PCDHA12: variants seen among roughly 807,000 people sequenced by gnomAD.
The protein encoded by PCDHA12 is protocadherin alpha 12, also known as protocadherin alpha-12.
PCDHA12 carries 44 observed loss-of-function variants against 60.0 expected under a neutral mutation model. The observed-to-expected ratio is 0.73, with a 90% CI of 0.58 to 0.94. The LOEUF is 0.94. Ranked by LOEUF, PCDHA12 falls within the 40% of genes least tolerant of loss-of-function variation. PCDHA12 has a pLI of 0.00. For synonymous variants in PCDHA12, 569 were observed against 553.0 expected (o/e 1.03, Z -0.40); for missense variants, 1,276 against 1,239.7 (o/e 1.03, Z -0.44).
chr5:140,892,219 A>T (rs1248122428), intron 1 of PCDHA12, among the ~76,000 whole-genome samples: 2 of 152,118 alleles, frequency 1.3e-5, no homozygotes, highest in Non-Finnish European at 2.9e-5. Flanking sequence ...TTGTATCTTT[A>T]TGGTGTTTTG....
intron 3 of PCDHA12, among the ~76,000 whole-genome samples, chr5:140,988,691 G>A (rs1205492528): frequency 6.6e-6 from 1 of 152,114 alleles, no homozygotes; most frequent in African/African-American, 2.4e-5. Context: ...TTCCCTAGAC[G>A]CTCTGTATTT....
intron 1 of PCDHA12, among the ~76,000 whole-genome samples, chr5:140,962,940 A>G (rs1441801947): frequency 1.3e-5 from 2 of 152,186 alleles, no homozygotes; most frequent in African/African-American, 4.8e-5. Context: ...CCTCCTCTCC[A>G]TAAGATATGC....
At chr5:140,924,944 T>TA (rs11334471) in intron 1 of PCDHA12, among the ~76,000 whole-genome samples, 37 of 142,946 alleles carry the variant, frequency 2.6e-4, no homozygotes, top group Non-Finnish European at 4.2e-4. Context: ...AATAAAAAGT[T>TA]AAAAAAAAAA....
At chr5:140,938,705 A>G (rs1554212312) in intron 1 of PCDHA12, among the ~76,000 whole-genome samples, 1 of 152,150 alleles carries the variant, frequency 6.6e-6, no homozygotes, top group African/African-American at 2.4e-5. Context: ...ATATATGTTT[A>G]TGATAGAAAC....
chr5:140,915,008 T>C (rs1201776517), intron 1 of PCDHA12, among the ~76,000 whole-genome samples: 1 of 150,866 alleles, frequency 6.6e-6, no homozygotes, highest in Non-Finnish European at 1.5e-5. Context: ...TGCAGTGGCC[T>C]GATCTTGGCT....
chr5:140,928,990 C>CT, intron 1 of PCDHA12: 2 of 1,613,884 alleles, frequency 1.2e-6, no homozygotes, highest in African/African-American at 1.3e-5. Context: ...GGGGTGCTTA[C>CT]TTTTCTTCGT....
chr5:140,928,043 C>T, intron 1 of PCDHA12: 1 of 1,614,192 alleles, frequency 6.2e-7, no homozygotes, highest in Non-Finnish European at 8.5e-7. Context: ...AGTGCAGGCC[C>T]TTTTCAGCTG....
At chr5:140,926,375 C>G (rs1265113344) in intron 1 of PCDHA12, 1 of 152,328 alleles carries the variant, frequency 6.6e-6, no homozygotes, top group African/African-American at 2.4e-5. Flanking sequence ...CAGGAAGAGC[C>G]CAGCTGGGCT....
chr5:140,920,133 C>A (rs1463322279), intron 1 of PCDHA12, among the ~76,000 whole-genome samples: 7 of 152,178 alleles, frequency 4.6e-5, no homozygotes, highest in African/African-American at 1.4e-4. Flanking sequence ...AGTTTTAATT[C>A]TCCTCTCCAA....
At chr5:140,989,007 A>C (rs1356295875) in intron 3 of PCDHA12, 1 of 152,216 alleles carries the variant, frequency 6.6e-6, no homozygotes, top group Non-Finnish European at 1.5e-5. Flanking sequence ...ATAGAGACTT[A>C]TTATAGTTTC....
intron 1 of PCDHA12, among the ~76,000 whole-genome samples, chr5:140,899,002 G>T (rs1265936919): frequency 7.2e-4 from 110 of 151,880 alleles, no homozygotes; most frequent in African/African-American, 2.6e-3. Context: ...GTCTGTTATT[G>T]GTGTATAAGA....
rs147430561 is a variant in PCDHA12, at chr5:140,928,238, A to G, written c.2367+50399A>G. 4.7e-4 allele frequency: 756 copies of G among 1,614,188 alleles called. 4 individuals carry two copies. The African/African-American group carries it at 9.0e-3, about 19-fold the overall frequency. Reference sequence around the variant, plus strand: ...AATACACCAAACTTTCCTCAACCCCAGCAGGAACTTTTCGTTGCTGAAAAC... The same window carrying G: ...AATACACCAAACTTTCCTCAACCCCGGCAGGAACTTTTCGTTGCTGAAAAC... On this transcript the variant is annotated intron_variant, in intron 1 of 3. Coordinates refer to ENST00000398631, the MANE Select transcript of PCDHA12 (RefSeq NM_018903.4).
chr5:140,920,640 T>C (rs1554199754), intron 1 of PCDHA12, among the ~76,000 whole-genome samples: 1 of 152,038 alleles, frequency 6.6e-6, no homozygotes, highest in African/African-American at 2.4e-5. Context: ...GGTCAAGAGA[T>C]TGAGACCATC....
intron 3 of PCDHA12, among the ~76,000 whole-genome samples, chr5:140,987,107 G>A (rs936936352): frequency 6.6e-6 from 1 of 151,876 alleles, no homozygotes; most frequent in Non-Finnish European, 1.5e-5. Flanking sequence ...CCAGCTACTC[G>A]GGAGGCTGAG....
intron 3 of PCDHA12, among the ~76,000 whole-genome samples, chr5:141,001,985 G>A (rs536683790): frequency 6.6e-5 from 10 of 152,194 alleles, no homozygotes; most frequent in Non-Finnish European, 1.5e-4. Flanking sequence ...GGAAAGCCTG[G>A]AAGTTCACTT....
chr5:140,926,068 G>A (rs2082901302), intron 1 of PCDHA12, among the ~76,000 whole-genome samples: 1 of 152,168 alleles, frequency 6.6e-6, no homozygotes, highest in African/African-American at 2.4e-5. Context: ...CCTCCTTGTC[G>A]TCTCTATTGC....
chr5:140,939,673 T>C (rs1235567287), intron 1 of PCDHA12, among the ~76,000 whole-genome samples: 1 of 152,196 alleles, frequency 6.6e-6, no homozygotes, highest in African/African-American at 2.4e-5. Context: ...CCAACTTGTA[T>C]GTATGTGTGT....
In PCDHA12 at chr5:140,876,424, A is replaced by G; in HGVS notation, c.952A>G (p.Ile318Val). ...LDFEENNAYEIQVNAIDKGIP... is the reference protein window; with the variant it reads ...LDFEENNAYEVQVNAIDKGIP... ...TTTTGAAGAGAATAATGCCTATGAA[A>G]TTCAGGTTAACGCCATTGATAAAGG... The change falls in exon 1 of 4, where the codon ATT becomes GTT. Residue 318 changes from isoleucine (I) to valine (V), a missense_variant. Transcript: ENST00000398631. The G allele has an allele frequency of 6.2e-7, 1 of 1,613,970 alleles. No individual in the cohort carries two copies.
rs781811926 is a variant in PCDHA12 at position 140,875,760 on chromosome 5, C to T, written c.288C>T (p.Cys96=). 8 of 1,614,080 alleles carry T rather than the reference C, an allele frequency of 5.0e-6. No homozygotes were observed. The highest frequency in any genetic ancestry group is 5.9e-6 in the Non-Finnish European group (7 of 1,180,054). Residue 96 remains cysteine, a synonymous_variant, in exon 1 of 4, where the codon TGC becomes TGT. Transcript: ENST00000398631. ...VNSRIDREKL[C]GRSAECSIHL... ...CTCGGATCGACCGCGAGAAGCTGTG[C>T]GGGCGGAGCGCGGAGTGCAGTATCC...
Sources: allele counts gnomAD v4.1 joint callset (sites outside exome capture counted in the v4.1 genomes callset), GRCh38; gene constraint gnomAD v4.1.1; transcripts MANE v1.5; gene names NCBI Gene and HGNC (gene_info 2026-07-23, HGNC 2026-07-21).